RIPK1: variants seen among roughly 807,000 people sequenced by gnomAD.
RIPK1 encodes receptor interacting serine/threonine kinase 1.
A neutral mutation model predicts 62.4 loss-of-function variants in RIPK1; 27 were observed. The ratio of observed to expected loss-of-function variants is 0.43; its 90% confidence interval spans 0.32 to 0.60. The LOEUF is 0.60. Among genes scored for constraint, RIPK1 ranks in the 20% least tolerant of loss-of-function variants. RIPK1 has a pLI of 0.07. For synonymous variants in RIPK1, 287 were observed against 303.2 expected (o/e 0.95, Z 0.55); for missense variants, 735 against 831.0 (o/e 0.88, Z 1.42).
At chr6:3,089,530 T>C in intron 6 of RIPK1, 51 bp from the exon 7 acceptor site, 2 of 905,992 alleles carry the variant, frequency 2.2e-6, no homozygotes, top group Non-Finnish European at 1.8e-6. Context: ...AATATTTTTA[T>C]TTTATGTTAG....
intron 6 of RIPK1, among the ~76,000 whole-genome samples, chr6:3,086,784 T>C (rs752129927): frequency 9.2e-5 from 14 of 152,220 alleles, no homozygotes; most frequent in Non-Finnish European, 1.9e-4. Context: ...CATGACTGAC[T>C]AAATCATGGT....
chr6:3,085,242 A>T lies in RIPK1; in HGVS notation c.689-17A>T, dbSNP rs1759626091. 3 of 1,613,798 alleles carry T rather than the reference A, an allele frequency of 1.9e-6. No individual in the cohort carries two copies. Among genetic ancestry groups the T allele is most frequent in the Non-Finnish European group, 2.5e-6 (3 of 1,179,934 alleles). ...TGAGAGAGGAGCAAGACCTGAAAGA[A>T]AGTCTTTGCTTTGTAGATGCTATCT... On this transcript the variant is annotated splice_polypyrimidine_tract_variant and intron_variant, in intron 5 of 10. Transcript: ENST00000259808.
In RIPK1 at chr6:3,105,870, C is replaced by A; in HGVS notation, c.1395C>A (p.Asn465Lys). 6.2e-7 allele frequency: 1 copy of A among 1,614,130 alleles called. No individual in the cohort carries two copies. The highest frequency in any genetic ancestry group is 8.5e-7 in the Non-Finnish European group (1 of 1,180,022). The change falls in exon 9 of 11, where the codon AAC becomes AAA. Residue 465 changes from asparagine to lysine, a missense_variant. Physicochemically the swap from Asn to Lys is moderately conservative, Grantham distance 94 (BLOSUM62 0). Transcript: ENST00000259808. This position sits in a 1 kb window ranked among gnomAD's most constrained non-coding sequence, Gnocchi z 4.5. ...GCCAACCTCAAGTACTGTATCAGAA[C>A]AATGGATTATATAGCTCACATGGCT... ...LTSQPQVLYQ[N>K]NGLYSSHGFG...
chr6:3,098,107 G>A (rs1437145241), intron 7 of RIPK1, among the ~76,000 whole-genome samples: 1 of 152,208 alleles, frequency 6.6e-6, no homozygotes, highest in Non-Finnish European at 1.5e-5. Flanking sequence ...GCTGAGATGA[G>A]ATGACTGCTT....
At chr6:3,087,412 TGTTTTTTTTG>T (rs1278845124) in intron 6 of RIPK1, among the ~76,000 whole-genome samples, 2 of 150,572 alleles carry the variant, frequency 1.3e-5, no homozygotes, top group African/African-American at 5.0e-5. Context: ...TGAGGCTTTG[TGTTTTTTTTG>T]TTTTTTTTGT....
In RIPK1 at chr6:3,073,877, G is replaced by C. The variant is rs575394911; in HGVS notation, c.-60-2887G>C. On this transcript the variant is annotated intron_variant, in intron 1 of 10. Coordinates refer to ENST00000259808, the MANE Select transcript of RIPK1 (RefSeq NM_001354930.2). The stretch of plus-strand genomic sequence containing the variant: ...GAAAAACACCAAGTCTGAAGGTTAC[G>C]TCCACCACGACTATCGTCTTAACAC... Among the ~76,000 whole-genome samples the C allele has an allele frequency of 3.3e-5, 5 of 152,136 alleles. No homozygotes were observed. In the South Asian group the frequency reaches 8.3e-4, roughly 25 times the overall value.
intron 10 of RIPK1, 92 bp downstream of exon 10, chr6:3,111,047 ATTC>A (rs1372142265): frequency 1.1e-6 from 1 of 888,342 alleles, no homozygotes. Flanking sequence ...TTCTCTGATA[ATTC>A]TTCTTGAAAG....
In RIPK1 at chr6:3,077,953, G is replaced by T; in HGVS notation, c.321+18G>T. The T allele has an allele frequency of 6.2e-7, 1 of 1,612,308 alleles. No homozygotes were observed. The highest frequency in any genetic ancestry group is 1.1e-5 in the South Asian group (1 of 90,916). On this transcript the variant is annotated intron_variant, in intron 3 of 10. Coordinates refer to ENST00000259808, the MANE Select transcript of RIPK1 (RefSeq NM_001354930.2). ...AAGCCGAGGTAGAGAGGGCCCCTCC[G>T]CACGGGGATCCCCAGCGCTTGGGCC...
chr6:3,068,587 A>T lies in RIPK1; in HGVS notation c.-135A>T. ...AGGGGACCCACAGCTGGGGCGCCAG[A>T]GCGCGGCCATCCGGGCGGGGCCGAC... On this transcript the variant is annotated 5_prime_UTR_variant, in exon 1 of 11. Transcript: ENST00000259808. The T allele has an allele frequency of 1.0e-6, 1 of 985,326 alleles. No individual in the cohort carries two copies. The highest frequency in any genetic ancestry group is 1.2e-6 in the Non-Finnish European group (1 of 829,944). The allele number at this position is 985,326 out of a possible 1,614,324, so 61.0% of individuals were successfully genotyped here.
intron 9 of RIPK1, among the ~76,000 whole-genome samples, chr6:3,108,503 C>T (rs192764268): frequency 1.7e-3 from 265 of 152,226 alleles, no homozygotes; most frequent in African/African-American, 6.2e-3. Flanking sequence ...CATGTAAGCC[C>T]GCGGTGAGCG....
chr6:3,100,349 G>A (rs1007783796), intron 7 of RIPK1, among the ~76,000 whole-genome samples: 7 of 151,948 alleles, frequency 4.6e-5, no homozygotes, highest in African/African-American at 1.7e-4. Context: ...GCTTGAACCC[G>A]GGAGGTGGAG....
At chr6:3,067,661 C>T (rs1251811963), upstream of RIPK1, among the ~76,000 whole-genome samples, 1 of 151,494 alleles carries the variant, frequency 6.6e-6, no homozygotes, top group Non-Finnish European at 1.5e-5. Flanking sequence ...AATATTTTCT[C>T]CCAGTCTGTG....
intron 3 of RIPK1, among the ~76,000 whole-genome samples, chr6:3,080,504 T>C (rs1759318790): frequency 6.6e-6 from 1 of 152,220 alleles, no homozygotes; most frequent in Admixed American, 6.6e-5. Context: ...TTCCCTTGTA[T>C]TCTTTTTTCT....
intron 3 of RIPK1, among the ~76,000 whole-genome samples, 173 bp from the exon 4 acceptor site, chr6:3,080,806 C>T (rs532170967): frequency 2.1e-4 from 32 of 151,798 alleles, no homozygotes; most frequent in African/African-American, 4.6e-4. Flanking sequence ...TCTGCCCCCC[C>T]CCGAATGAAA....
intron 1 of RIPK1, 196 bp downstream of exon 1, chr6:3,068,857 G>A: frequency 5.0e-6 from 1 of 199,476 alleles, no homozygotes; most frequent in Non-Finnish European, 9.0e-6. Context: ...GGAAACGAAA[G>A]TAACGCTCGG....
Position 3,068,642 on chromosome 6 carries a change from C to G in RIPK1, c.-80C>G. The G allele has an allele frequency of 1.0e-6, 1 of 985,286 alleles. No homozygotes were observed. The highest frequency in any genetic ancestry group is 1.2e-6 in the Non-Finnish European group (1 of 829,928). 61.0% of individuals were successfully genotyped at this position (985,286 alleles called of 1,614,324 possible). A position where few individuals can be genotyped will look rare whatever the true frequency, so the allele number is the denominator to read the frequency against. On this transcript the variant is annotated 5_prime_UTR_variant, in exon 1 of 11. Transcript: ENST00000259808. ...CGCGGCAGGACTTGGCTGGACGGCGCGGCCACGGAGAAGGGCGCGGTGAGC... is the reference window on the plus strand; with the variant it reads ...CGCGGCAGGACTTGGCTGGACGGCGGGGCCACGGAGAAGGGCGCGGTGAGC...
intron 10 of RIPK1, among the ~76,000 whole-genome samples, chr6:3,111,944 T>C (rs1581445307): frequency 6.6e-6 from 1 of 152,044 alleles, no homozygotes; most frequent in Admixed American, 6.6e-5. Flanking sequence ...AGAAGAGAGG[T>C]GGGAAGGAAG....
At chr6:3,086,505 C>T (rs1447649372) in intron 6 of RIPK1, among the ~76,000 whole-genome samples, 2 of 152,226 alleles carry the variant, frequency 1.3e-5, no homozygotes, top group African/African-American at 4.8e-5. Context: ...AGTATTCCCA[C>T]AAGCCCCACT....
rs192830935 is a variant in RIPK1 at position 3,100,135 on chromosome 6, A to T, written c.916-4090A>T. 3.0e-3 allele frequency among the ~76,000 whole-genome samples: 453 copies of T among 152,240 alleles called. 2 individuals are homozygous for T. Among genetic ancestry groups the T allele is most frequent in the African/African-American group, 0.01 (428 of 41,546 alleles). The stretch of plus-strand genomic sequence containing the variant: ...TCCTTTTAATGTTAAAGATATATAT[A>T]TTTTGGCCTGGTGCAGTGGCTCATG... On this transcript the variant is annotated intron_variant, in intron 7 of 10. Coordinates refer to ENST00000259808, the MANE Select transcript of RIPK1 (RefSeq NM_001354930.2).
Sources: gnomAD v4.1 joint callset for allele counts (sites outside exome capture counted in the v4.1 genomes callset) on GRCh38, gnomAD v4.1.1 for gene constraint, Gnocchi (gnomAD v3.1) non-coding constraint, MANE v1.5 for transcripts, NCBI Gene and HGNC (gene_info 2026-07-23, HGNC 2026-07-21) for gene names.